SLC25A26: variants seen among roughly 807,000 people sequenced by gnomAD.
SLC25A26 encodes the protein mitochondrial S-adenosylmethionine carrier protein.
Under a neutral mutation model 37.8 loss-of-function variants are expected in SLC25A26, and 36 were observed. The observed-to-expected ratio is 0.95, with a 90% CI of 0.73 to 1.26. The LOEUF is 1.26. Ranked by LOEUF, SLC25A26 falls within the 50% of genes most tolerant of loss-of-function variation. The pLI is 0.00. For missense variants in SLC25A26, 390 were observed against 331.1 expected, an observed-to-expected ratio of 1.18 and a Z score of -1.38; for synonymous variants, 129 against 122.5, an observed-to-expected ratio of 1.05 and a Z score of -0.35.
chr3:66,196,168 G>A (rs2071041922), intron 1 of SLC25A26, among the ~76,000 whole-genome samples: 1 of 151,906 alleles, frequency 6.6e-6, no homozygotes, highest in African/African-American at 2.4e-5. Flanking sequence ...CTAGACATAA[G>A]GAAAACCCAG....
chr3:66,159,657 A>G (rs910071596), intron 1 of SLC25A26, among the ~76,000 whole-genome samples: 2 of 152,226 alleles, frequency 1.3e-5, no homozygotes, highest in African/African-American at 2.4e-5. Context: ...CTATTTTATT[A>G]GCCAGATTAG....
At chr3:66,236,776 A>G (rs1302040623) in intron 2 of SLC25A26, 76 bp downstream of exon 2, 1 of 1,122,742 alleles carries the variant, frequency 8.9e-7, no homozygotes, top group Non-Finnish European at 1.2e-6. Context: ...TCTTACCCCC[A>G]TAGAATTCCT....
intron 6 of SLC25A26, chr3:66,356,067 C>G (rs547907434): frequency 3.7e-5 from 17 of 456,252 alleles, no homozygotes; most frequent in South Asian, 2.5e-4. Flanking sequence ...AATAGAGCAG[C>G]TAAAGAAGTC....
intron 6 of SLC25A26, among the ~76,000 whole-genome samples, chr3:66,360,829 C>A (rs947462875): frequency 6.6e-6 from 1 of 152,168 alleles, no homozygotes; most frequent in Non-Finnish European, 1.5e-5. Context: ...CTGGTTCTCT[C>A]CAAAATAATC....
At chr3:66,175,459 A>C (rs1188793020) in intron 1 of SLC25A26, among the ~76,000 whole-genome samples, 1 of 152,100 alleles carries the variant, frequency 6.6e-6, no homozygotes, top group Non-Finnish European at 1.5e-5. Flanking sequence ...TCCTGACCTC[A>C]GGTGATTCAC....
intron 1 of SLC25A26, among the ~76,000 whole-genome samples, chr3:66,230,850 A>G (rs1263452187): frequency 6.6e-6 from 1 of 150,648 alleles, no homozygotes; most frequent in Non-Finnish European, 1.5e-5. Flanking sequence ...AGACTGAGAG[A>G]AAAACCTAAG....
chr3:66,215,540 G>A (rs2071348070), intron 1 of SLC25A26, among the ~76,000 whole-genome samples: 2 of 152,148 alleles, frequency 1.3e-5, no homozygotes, highest in African/African-American at 4.8e-5. Flanking sequence ...GAGGCAAAGC[G>A]TAAGATGGAG....
intron 5 of SLC25A26, among the ~76,000 whole-genome samples, chr3:66,282,201 C>T (rs1165176517): frequency 7.9e-5 from 12 of 151,526 alleles, no homozygotes; most frequent in Non-Finnish European, 1.0e-4. Flanking sequence ...TCAGTAGAGA[C>T]GGGGTTTCAC....
At chr3:66,252,785 G>T (rs1449430066) in intron 3 of SLC25A26, among the ~76,000 whole-genome samples, 1 of 152,176 alleles carries the variant, frequency 6.6e-6, no homozygotes. Context: ...TGTGCTCCAA[G>T]TTTCCCAGCT....
chr3:66,292,036 C>T (rs577527768), intron 5 of SLC25A26, among the ~76,000 whole-genome samples: 4 of 152,200 alleles, frequency 2.6e-5, no homozygotes, highest in Admixed American at 6.5e-5. Context: ...TTGCGTTGAT[C>T]CCTTTACCGC....
chr3:66,212,724 T>A (rs1378267989), intron 1 of SLC25A26, among the ~76,000 whole-genome samples: 17 of 152,192 alleles, frequency 1.1e-4, no homozygotes, highest in African/African-American at 4.1e-4. Context: ...CTCACCTAAA[T>A]GGAATCATAT....
At chr3:66,258,646 C>T (rs769343764) in intron 3 of SLC25A26, among the ~76,000 whole-genome samples, 2 of 152,062 alleles carry the variant, frequency 1.3e-5, no homozygotes, top group Admixed American at 1.3e-4. Flanking sequence ...ATTTTAATAA[C>T]ATATTTTATT....
At chr3:66,145,042 CA>C in intron 1 of SLC25A26, among the ~76,000 whole-genome samples, 1 of 151,994 alleles carries the variant, frequency 6.6e-6, no homozygotes, top group East Asian at 1.9e-4. Flanking sequence ...TGATGCATGC[CA>C]GAAGAAATCC....
intron 5 of SLC25A26, among the ~76,000 whole-genome samples, chr3:66,345,462 C>T (rs1190539296): frequency 1.3e-5 from 2 of 151,660 alleles, no homozygotes; most frequent in Non-Finnish European, 2.9e-5. Context: ...CCTTCTCTGC[C>T]CCGTCTTCTG....
intron 1 of SLC25A26, among the ~76,000 whole-genome samples, chr3:66,147,903 C>T (rs1340871861): frequency 6.6e-6 from 1 of 152,112 alleles, no homozygotes; most frequent in East Asian, 1.9e-4. Flanking sequence ...GGATTACAGG[C>T]GTGTACCACC....
intron 1 of SLC25A26, among the ~76,000 whole-genome samples, chr3:66,204,122 T>C (rs1221099896): frequency 2.6e-5 from 4 of 152,092 alleles, no homozygotes; most frequent in African/African-American, 9.7e-5. Flanking sequence ...AGGAGGAAAC[T>C]TGCATGAAAA....
At position 66,225,073 on chromosome 3, in the gene SLC25A26, T is replaced by C. The variant is rs569677226; in HGVS notation, c.33+3946T>C. ...TTTTCCAGGCACAGGGTTCAAGCTG[T>C]CAGTGGATCTACCATTCTGGGGTCT... On this transcript the variant is annotated intron_variant, in intron 1 of 9. Coordinates refer to ENST00000354883, the MANE Select transcript of SLC25A26 (RefSeq NM_001379210.1). 1.8e-4 allele frequency among the ~76,000 whole-genome samples: 27 copies of C among 152,228 alleles called. 1 individual carries two copies. Among genetic ancestry groups the C allele is most frequent in the Admixed American group, 3.9e-4 (6 of 15,304 alleles).
At chr3:66,153,063 A>G (rs181862475) in intron 1 of SLC25A26, among the ~76,000 whole-genome samples, 1 of 152,272 alleles carries the variant, frequency 6.6e-6, no homozygotes, top group East Asian at 1.9e-4. Flanking sequence ...CCTAAAACAT[A>G]CTTCTCACTC....
intron 1 of SLC25A26, among the ~76,000 whole-genome samples, chr3:66,205,242 G>A (rs36138035): frequency 0.2 from 30,255 of 152,076 alleles, 3,929 homozygotes; most frequent in African/African-American, 0.33. Flanking sequence ...AGAAAAAAGC[G>A]TGGTGGAGGC....
Sources: allele counts gnomAD v4.1 joint callset (sites outside exome capture counted in the v4.1 genomes callset), GRCh38; gene constraint gnomAD v4.1.1; transcripts MANE v1.5; gene names NCBI Gene and HGNC (gene_info 2026-07-23, HGNC 2026-07-21).